Variants in ROBO2 observed in about 807,000 individuals in gnomAD.
ROBO2 encodes roundabout guidance receptor 2.
A neutral mutation model predicts 160.8 loss-of-function variants in ROBO2; 53 were observed. The ratio of observed to expected loss-of-function variants is 0.33; its 90% confidence interval spans 0.26 to 0.41. The LOEUF (loss-of-function observed/expected upper bound fraction) is 0.41. ROBO2 is among the 10% of genes least tolerant of loss of function. The pLI, the probability that ROBO2 is intolerant of heterozygous loss-of-function variation, is 1.00. For synonymous variants in ROBO2, 664 were observed against 611.7 expected (o/e 1.09, Z -1.26); for missense variants, 1,577 against 1,722.4 (o/e 0.92, Z 1.49).
intron 2 of ROBO2, among the ~76,000 whole-genome samples, chr3:76,122,527 A>G (rs888424268): frequency 2.6e-5 from 4 of 152,016 alleles, no homozygotes; most frequent in African/African-American, 9.7e-5. Flanking sequence ...GCATTTATTG[A>G]TTTTTTTCTT....
At chr3:76,191,723 GA>G (rs1702013284) in intron 2 of ROBO2, among the ~76,000 whole-genome samples, 1 of 151,706 alleles carries the variant, frequency 6.6e-6, no homozygotes, top group South Asian at 2.1e-4. Context: ...AATTAGAATT[GA>G]TTTTTTTTAA....
intron 6 of ROBO2, among the ~76,000 whole-genome samples, chr3:77,532,483 CT>C (rs1300819107): frequency 1.3e-5 from 2 of 151,796 alleles, no homozygotes; most frequent in Non-Finnish European, 2.9e-5. Flanking sequence ...TTTCAATAAC[CT>C]TTTCTTCTGT....
intron 2 of ROBO2, among the ~76,000 whole-genome samples, chr3:76,594,568 C>T (rs1393314598): frequency 6.6e-6 from 1 of 152,004 alleles, no homozygotes; most frequent in Non-Finnish European, 1.5e-5. Context: ...CCCCTGTTCA[C>T]TTTCTATTTC....
chr3:77,545,700 C>A (rs935286026), intron 6 of ROBO2, among the ~76,000 whole-genome samples: 1 of 152,048 alleles, frequency 6.6e-6, no homozygotes, highest in East Asian at 1.9e-4. Context: ...ACCTGACTAA[C>A]CTTTATCTAT....
intron 2 of ROBO2, among the ~76,000 whole-genome samples, chr3:76,636,224 G>T (rs971360685): frequency 6.6e-6 from 1 of 152,090 alleles, no homozygotes; most frequent in Non-Finnish European, 1.5e-5. Context: ...AAGAAAAATT[G>T]ATGAGTGTTA....
chr3:76,335,649 C>T (rs1387593792), intron 2 of ROBO2, among the ~76,000 whole-genome samples: 5 of 151,698 alleles, frequency 3.3e-5, no homozygotes, highest in Non-Finnish European at 7.4e-5. Flanking sequence ...GCGATCTCGG[C>T]TCACTGCAAG....
At chr3:76,801,052 T>C (rs1249563320) in intron 2 of ROBO2, among the ~76,000 whole-genome samples, 2 of 152,098 alleles carry the variant, frequency 1.3e-5, no homozygotes, top group Non-Finnish European at 2.9e-5. Context: ...ATATACACAA[T>C]GGAGTGCTAT....
chr3:77,067,194 TTGCAAAACATCCTAAC>T (rs1488916317), intron 1 of ROBO2, among the ~76,000 whole-genome samples: 1 of 152,134 alleles, frequency 6.6e-6, no homozygotes, highest in Admixed American at 6.6e-5. Context: ...AAGCTTCCCT[TTGCAAAACATCCTAAC>T]TGAAGCCAGA....
At chr3:77,091,640 A>G (rs2070277303) in intron 1 of ROBO2, among the ~76,000 whole-genome samples, 1 of 151,922 alleles carries the variant, frequency 6.6e-6, no homozygotes. Flanking sequence ...GCTTCTTGGA[A>G]CCTTTCGCTG....
intron 2 of ROBO2, among the ~76,000 whole-genome samples, chr3:76,968,473 T>G (rs891608459): frequency 6.6e-6 from 1 of 152,164 alleles, no homozygotes; most frequent in Non-Finnish European, 1.5e-5. Flanking sequence ...TAATATAACA[T>G]GCATATAATC....
intron 2 of ROBO2, among the ~76,000 whole-genome samples, chr3:76,037,254 TTTTTTC>T (rs2067138911): frequency 7.0e-6 from 1 of 143,308 alleles, no homozygotes; most frequent in African/African-American, 2.8e-5. Flanking sequence ...GTACATTTTC[TTTTTTC>T]TTTTTTTTTT....
At chr3:76,544,591 A>G (rs938300648) in intron 2 of ROBO2, among the ~76,000 whole-genome samples, 1 of 152,036 alleles carries the variant, frequency 6.6e-6, no homozygotes, top group African/African-American at 2.4e-5. Flanking sequence ...TAAAATACCC[A>G]TATTTGTAGA....
intron 5 of ROBO2, among the ~76,000 whole-genome samples, chr3:77,517,681 T>C (rs2090164558): frequency 6.6e-6 from 1 of 151,484 alleles, no homozygotes; most frequent in South Asian, 2.1e-4. Flanking sequence ...GGTTCAAAAA[T>C]ATTAAATGAA....
At chr3:76,011,925 T>C (rs1444104338) in intron 2 of ROBO2, among the ~76,000 whole-genome samples, 1 of 152,156 alleles carries the variant, frequency 6.6e-6, no homozygotes, top group African/African-American at 2.4e-5. Context: ...TTCAGCAGTA[T>C]AGCCCAGTGA....
At chr3:76,881,533 CAT>C in intron 2 of ROBO2, among the ~76,000 whole-genome samples, 1 of 152,200 alleles carries the variant, frequency 6.6e-6, no homozygotes, top group East Asian at 1.9e-4. Flanking sequence ...CATTTTCAAA[CAT>C]GTAAAAAATA....
chr3:76,307,599 A>C (rs2071390275), intron 2 of ROBO2, among the ~76,000 whole-genome samples: 1 of 151,080 alleles, frequency 6.6e-6, no homozygotes, highest in Non-Finnish European at 1.5e-5. Flanking sequence ...AACTACCCCA[A>C]AATCCCTCTA....
intron 2 of ROBO2, among the ~76,000 whole-genome samples, chr3:76,620,529 T>A (rs1050977735): frequency 6.6e-6 from 1 of 152,156 alleles, no homozygotes. Context: ...TAATTCAGCA[T>A]AGAAATATAA....
chr3:76,368,891 G>T (rs957619251), intron 2 of ROBO2, among the ~76,000 whole-genome samples: 1 of 151,902 alleles, frequency 6.6e-6, no homozygotes, highest in South Asian at 2.1e-4. Context: ...TCTCTTTGAC[G>T]TTAAGACCTT....
At chr3:77,220,168 G>A (rs532865995) in intron 2 of ROBO2, among the ~76,000 whole-genome samples, 186 of 151,978 alleles carry the variant, frequency 1.2e-3, no homozygotes, top group African/African-American at 4.2e-3. Flanking sequence ...GTGCCACCAC[G>A]CCTGGCTAAT....
Sources: gnomAD v4.1 joint callset for allele counts (sites outside exome capture counted in the v4.1 genomes callset) on GRCh38, gnomAD v4.1.1 for gene constraint, MANE v1.5 for transcripts, NCBI Gene and HGNC (gene_info 2026-07-23, HGNC 2026-07-21) for gene names.